The following SNX32 variants were observed in gnomAD, a reference collection of about 807,000 sequenced individuals.
SNX32 encodes the protein sorting nexin 32.
SNX32 carries 58 observed loss-of-function variants against 57.0 expected under a neutral mutation model. That is an observed-to-expected ratio of 1.02 (90% confidence interval 0.82 to 1.27). SNX32 has a LOEUF of 1.27. Ranked by LOEUF, SNX32 falls within the 50% of genes most tolerant of loss-of-function variation. SNX32 has a pLI of 0.00. For missense variants in SNX32, 589 were observed against 541.2 expected (o/e 1.09, Z -0.88); for synonymous variants, 262 against 220.4 (o/e 1.19, Z -1.67).
rs533546224 is a variant in SNX32, at chr11:65,851,795, G to C, written c.825+116G>C. On this transcript the variant is annotated intron_variant, in intron 9 of 12. Transcript: ENST00000308342. ...TGGGTTCAGTGATAACTTGGGCCCAGTGGCAAGTTGGGCTTACACTCCAGA... is the reference window on the plus strand; with the variant it reads ...TGGGTTCAGTGATAACTTGGGCCCACTGGCAAGTTGGGCTTACACTCCAGA... The C allele has an allele frequency of 9.6e-5, 114 of 1,181,644 alleles. No individual in the cohort carries two copies. In the African/African-American group the frequency reaches 1.6e-3, roughly 16 times the overall value. The allele number at this position is 1,181,644 out of a possible 1,614,324, so 73.2% of individuals were successfully genotyped here.
intron 1 of SNX32, among the ~76,000 whole-genome samples, chr11:65,838,313 T>C (rs968902754): frequency 6.6e-6 from 1 of 152,108 alleles, no homozygotes; most frequent in African/African-American, 2.4e-5. Context: ...CACCTAATAA[T>C]ATAGCATCAA....
intron 1 of SNX32, among the ~76,000 whole-genome samples, chr11:65,839,507 G>A (rs962488042): frequency 6.8e-6 from 1 of 146,550 alleles, no homozygotes; most frequent in Non-Finnish European, 1.5e-5. Context: ...GGGATTACAG[G>A]CATTTTTTTG....
intron 1 of SNX32, among the ~76,000 whole-genome samples, chr11:65,838,320 T>A (rs1451677952): frequency 6.6e-6 from 1 of 152,062 alleles, no homozygotes; most frequent in Non-Finnish European, 1.5e-5. Context: ...TAATATAGCA[T>A]CAAAATATGC....
chr11:65,850,538 TG>T lies in SNX32; in HGVS notation c.484del (p.Glu162AsnfsTer6). On this transcript the variant is annotated frameshift_variant, in exon 5 of 13. Coordinates refer to ENST00000308342, the MANE Select transcript of SNX32 (RefSeq NM_152760.3). LOFTEE classifies it high-confidence loss of function. ...LRRDHNFFVF[L>X]EYGQDLSVRG... Reference sequence around the variant, plus strand: ...CGAGACCACAACTTCTTTGTGTTTTTGGAATATGGACAGGATGTGAGCTGGG... The same window carrying T: ...CGAGACCACAACTTCTTTGTGTTTTTGAATATGGACAGGATGTGAGCTGGG... 1 of 1,610,576 alleles carries T rather than the reference TG, an allele frequency of 6.2e-7. No individual in the cohort carries two copies. The highest frequency in any genetic ancestry group is 8.5e-7 in the Non-Finnish European group (1 of 1,178,382).
In SNX32 at chr11:65,839,223, GTATTTTTT is replaced by G. The variant is rs1174699843; in HGVS notation, c.36+5124_36+5131del. 4.8e-4 allele frequency among the ~76,000 whole-genome samples: 11 copies of G among 23,078 alleles called. 1 individual carries two copies. The highest frequency in any genetic ancestry group is 4.1e-3 in the South Asian group (2 of 488). The allele number at this position is 23,078 out of a possible 152,430, so 15.1% of individuals were successfully genotyped here. A position where few individuals can be genotyped will look rare whatever the true frequency, so the allele number is the denominator to read the frequency against. The stretch of plus-strand genomic sequence containing the variant: ...CCCACCACGCCCAGCTAATTTTTTT[GTATTTTTT>G]TTTTTTTTTTTTTTTTGAGACGGAG... On this transcript the variant is annotated intron_variant, in intron 1 of 12. Coordinates refer to ENST00000308342, the MANE Select transcript of SNX32 (RefSeq NM_152760.3).
In SNX32 at chr11:65,849,586, A is replaced by C; in HGVS notation, c.141+4A>C. On this transcript the variant is annotated splice_donor_region_variant and intron_variant, in intron 2 of 12. Coordinates refer to ENST00000308342, the MANE Select transcript of SNX32 (RefSeq NM_152760.3). ...GAAATTCACTGTTCAAACAAAGGTGAGGCAGTGCGGGGCACGAGGAAAGGT... is the reference window on the plus strand; with the variant it reads ...GAAATTCACTGTTCAAACAAAGGTGCGGCAGTGCGGGGCACGAGGAAAGGT... 6.2e-7 allele frequency: 1 copy of C among 1,613,652 alleles called. No homozygotes were observed. The highest frequency in any genetic ancestry group is 8.5e-7 in the Non-Finnish European group (1 of 1,179,614).
At chr11:65,844,610 A>G (rs1242659060) in intron 1 of SNX32, among the ~76,000 whole-genome samples, 2 of 152,168 alleles carry the variant, frequency 1.3e-5, no homozygotes, top group Non-Finnish European at 2.9e-5. Flanking sequence ...TAAACATACA[A>G]TATGTCTTCC....
At chr11:65,850,993 T>C in intron 6 of SNX32, 62 bp from the exon 7 acceptor site, 4 of 1,531,040 alleles carry the variant, frequency 2.6e-6, no homozygotes, top group Non-Finnish European at 3.6e-6. Context: ...CAACCCTGGG[T>C]GCCTGTGTTG....
At chr11:65,852,810 C>A (rs763602707) in intron 11 of SNX32, 21 bp downstream of exon 11, 6 of 1,611,302 alleles carry the variant, frequency 3.7e-6, no homozygotes, top group Middle Eastern at 1.7e-4. Flanking sequence ...AGCCCCCAGC[C>A]CCAGCCTGGG....
Position 65,853,108 on chromosome 11 carries a change from G to A in SNX32, c.1158+150G>A, listed in dbSNP as rs936928218. 8.1e-5 allele frequency: 103 copies of A among 1,276,502 alleles called. No individual in the cohort carries two copies. In the South Asian group the frequency reaches 1.2e-3, roughly 15 times the overall value. The allele number at this position is 1,276,502 out of a possible 1,614,324, so 79.1% of individuals were successfully genotyped here. A position where few individuals can be genotyped will look rare whatever the true frequency, so the allele number is the denominator to read the frequency against. On this transcript the variant is annotated intron_variant, in intron 12 of 12. Transcript: ENST00000308342. ...GAGAGGAGCCCCAGCTAAGGCTTGG[G>A]GCCATGCTTCCCTGGCTCAGGACCC...
At chr11:65,850,604 TG>T in intron 5 of SNX32, 50 bp downstream of exon 5, 1 of 1,568,168 alleles carries the variant, frequency 6.4e-7, no homozygotes. Context: ...GAGTCTACCT[TG>T]GGTGGGGAGG....
At chr11:65,839,493 T>C (rs1565246312) in intron 1 of SNX32, among the ~76,000 whole-genome samples, 1 of 147,016 alleles carries the variant, frequency 6.8e-6, no homozygotes, top group Non-Finnish European at 1.5e-5. Flanking sequence ...CCTCCCAAAG[T>C]GCTGGGATTA....
intron 1 of SNX32, among the ~76,000 whole-genome samples, chr11:65,844,608 C>A (rs1858937121): frequency 6.6e-6 from 1 of 152,078 alleles, no homozygotes; most frequent in Non-Finnish European, 1.5e-5. Context: ...TTTAAACATA[C>A]AATATGTCTT....
At chr11:65,838,709 T>C (rs993500920) in intron 1 of SNX32, among the ~76,000 whole-genome samples, 1 of 152,110 alleles carries the variant, frequency 6.6e-6, no homozygotes, top group Non-Finnish European at 1.5e-5. Flanking sequence ...TTTACCAAAA[T>C]AAATGAAATG....
At chr11:65,836,562 C>T (rs1358244402) in intron 1 of SNX32, among the ~76,000 whole-genome samples, 1 of 151,902 alleles carries the variant, frequency 6.6e-6, no homozygotes, top group Non-Finnish European at 1.5e-5. Flanking sequence ...ATAAATAAAC[C>T]CAGAGGATTA....
At chr11:65,837,343 A>G (rs1858695427) in intron 1 of SNX32, among the ~76,000 whole-genome samples, 1 of 152,120 alleles carries the variant, frequency 6.6e-6, no homozygotes, top group East Asian at 1.9e-4. Context: ...AGGACACAGA[A>G]GGGTTGACAT....
At chr11:65,852,992 G>GCCTCCCA (rs770444989) in intron 12 of SNX32, 34 bp downstream of exon 12, 66 of 1,608,042 alleles carry the variant, frequency 4.1e-5, no homozygotes, top group East Asian at 1.6e-4. Context: ...CCCTTGTGAA[G>GCCTCCCA]CCTCCCACCT....
At position 65,850,568 on chromosome 11, in the gene SNX32, A is replaced by C; in HGVS notation, c.498+14A>C. The C allele has an allele frequency of 6.3e-7, 1 of 1,595,914 alleles. No homozygotes were observed. The highest frequency in any genetic ancestry group is 8.5e-7 in the Non-Finnish European group (1 of 1,170,870). On this transcript the variant is annotated intron_variant, in intron 5 of 12. Coordinates refer to ENST00000308342, the MANE Select transcript of SNX32 (RefSeq NM_152760.3). The stretch of plus-strand genomic sequence containing the variant: ...TATGGACAGGATGTGAGCTGGGCCG[A>C]ATCCCTGGGGTCACCCTTGGGCCAG...
intron 1 of SNX32, among the ~76,000 whole-genome samples, chr11:65,835,222 G>A (rs1311178616): frequency 6.6e-6 from 1 of 151,990 alleles, no homozygotes; most frequent in Non-Finnish European, 1.5e-5. Context: ...TGATGAGGAT[G>A]CCAAGGGAGG....
Sources: gnomAD v4.1 joint callset for allele counts (sites outside exome capture counted in the v4.1 genomes callset) on GRCh38, gnomAD v4.1.1 for gene constraint, MANE v1.5 for transcripts, NCBI Gene and HGNC (gene_info 2026-07-23, HGNC 2026-07-21) for gene names.